The following ZFP92 variants were observed in gnomAD, a reference collection of about 807,000 sequenced individuals.
ZFP92 encodes ZFP92 zinc finger protein, also known as zinc finger protein 92 homolog.
A neutral mutation model predicts 7.6 loss-of-function variants in ZFP92; 2 were observed. That is an observed-to-expected ratio of 0.26 (90% confidence interval 0.11 to 0.83). The LOEUF is 0.83. ZFP92 is among the 40% of genes least tolerant of loss of function. ZFP92 has a pLI of 0.65. For missense variants in ZFP92, 324 were observed against 408.3 expected, an observed-to-expected ratio of 0.79 and a Z score of 1.78; for synonymous variants, 226 against 183.6, an observed-to-expected ratio of 1.23 and a Z score of -1.87.
In ZFP92 at chrX:153,418,734, A is replaced by C; in HGVS notation, c.95A>C (p.Asp32Ala). ...YFTKTEWKLL[D>A]LRQKVLYKRV... ...ACAAAGACAGAATGGAAGCTTCTGGACCTCAGACAAAAGGTCCTCTACAAG... is the reference window on the plus strand; with the variant it reads ...ACAAAGACAGAATGGAAGCTTCTGGCCCTCAGACAAAAGGTCCTCTACAAG... The change falls in exon 4 of 6, where the codon GAC becomes GCC. Residue 32 changes from aspartate (D) to alanine (A), a missense_variant. Coordinates refer to ENST00000338647, the MANE Select transcript of ZFP92 (RefSeq NM_001136273.2). 3.4e-6 allele frequency: 4 copies of C among 1,167,920 alleles called. No individual in the cohort carries two copies. Among genetic ancestry groups the C allele is most frequent in the East Asian group, 3.2e-5 (1 of 30,785 alleles).
intron 2 of ZFP92, among the ~76,000 whole-genome samples, chrX:153,413,875 G>T (rs2088929015): frequency 8.9e-6 from 1 of 112,472 alleles, no homozygotes; most frequent in Admixed American, 9.3e-5. Context: ...CACTGCTCTG[G>T]GTGACGGCTT....
chrX:153,418,083 G>C (rs1045648697), intron 2 of ZFP92, among the ~76,000 whole-genome samples: 2 of 112,268 alleles, frequency 1.8e-5, no homozygotes. Flanking sequence ...AATGTGTCTT[G>C]CTTGAAGGCC....
chrX:153,420,569 T>C, intron 5 of ZFP92, 74 bp from the exon 6 acceptor site: 2 of 1,094,895 alleles, frequency 1.8e-6, no homozygotes, highest in Non-Finnish European at 2.4e-6. Flanking sequence ...CATCCCCCTA[T>C]GTTCTCACCT....
chrX:153,425,393 G>C lies in ZFP92; in HGVS notation c.*3765G>C, dbSNP rs2089035901. ...TTAGAAGGGCAGAGAGGTTTCAGTA[G>C]GACATGTATGGGCTAAAGGGTCAGT... On this transcript the variant is annotated 3_prime_UTR_variant, in exon 6 of 6. Coordinates refer to ENST00000338647, the MANE Select transcript of ZFP92 (RefSeq NM_001136273.2). 2 of 111,759 alleles carry C rather than the reference G, an allele frequency of 1.8e-5. No homozygotes were observed. The highest frequency in any genetic ancestry group is 3.8e-5 in the Non-Finnish European group (2 of 53,167). 9.2% of individuals were successfully genotyped at this position (111,759 alleles called of 1,213,427 possible). A position where few individuals can be genotyped will look rare whatever the true frequency, so the allele number is the denominator to read the frequency against.
Position 153,421,551 on chromosome X carries a change from C to G in ZFP92, c.1174C>G (p.Pro392Ala). ...RRLAGPGSTG[P>A]GSAVAATSPP... is the part of the protein sequence containing the mutation. ...GCTAGCGGGCCCTGGGAGCACCGGC[C>G]CTGGGAGCGCGGTGGCGGCCACCAG... Residue 392 changes from proline to alanine, a missense_variant, in exon 6 of 6, where the codon CCT becomes GCT. Physicochemically the swap from Pro to Ala is conservative, Grantham distance 27 (BLOSUM62 -1). Coordinates refer to ENST00000338647, the MANE Select transcript of ZFP92 (RefSeq NM_001136273.2). 4.6e-6 allele frequency: 5 copies of G among 1,091,482 alleles called. No individual in the cohort carries two copies. The highest frequency in any genetic ancestry group is 1.9e-5 in the African/African-American group (1 of 51,645). The allele number at this position is 1,091,482 out of a possible 1,213,427, so 90.0% of individuals were successfully genotyped here. A position where few individuals can be genotyped will look rare whatever the true frequency, so the allele number is the denominator to read the frequency against.
rs782573503 is a variant in ZFP92 at position 153,424,013 on chromosome X, T to TAGCCAGC, written c.*2386_*2392dup. On this transcript the variant is annotated 3_prime_UTR_variant, in exon 6 of 6. Transcript: ENST00000338647. ...GATTTCGTTCCTACAAGCCAGACAG[T>TAGCCAGC]AGCCAGCTTTCACTAAAGAAGAATC... 8.8e-6 allele frequency: 1 copy of TAGCCAGC among 113,446 alleles called. No homozygotes were observed. Among genetic ancestry groups the TAGCCAGC allele is most frequent in the Admixed American group, 9.2e-5 (1 of 10,814 alleles). 9.3% of individuals were successfully genotyped at this position (113,446 alleles called of 1,213,427 possible).
rs542496394 is a variant in ZFP92, at chrX:153,415,629, C to T, written c.-18-2676C>T. 1.3e-4 allele frequency among the ~76,000 whole-genome samples: 14 copies of T among 111,420 alleles called. 1 individual carries two copies. In the South Asian group the frequency reaches 3.5e-3, roughly 27 times the overall value. Reference sequence around the variant, plus strand: ...GGTATATACCCAGAAGTGGAATTGCCGGGTCATATGATAACTATGTCTAAC... The same window carrying T: ...GGTATATACCCAGAAGTGGAATTGCTGGGTCATATGATAACTATGTCTAAC... On this transcript the variant is annotated intron_variant, in intron 2 of 5. Transcript: ENST00000338647.
At chrX:153,416,898 A>T (rs1278127844) in intron 2 of ZFP92, among the ~76,000 whole-genome samples, 3 of 111,527 alleles carry the variant, frequency 2.7e-5, no homozygotes, top group Non-Finnish European at 5.7e-5. Flanking sequence ...ATGTGCAGAG[A>T]TCACGTGGCC....
chrX:153,418,676 C>A lies in ZFP92; in HGVS notation c.37C>A (p.Pro13Thr). 8.6e-7 allele frequency: 1 copy of A among 1,167,429 alleles called. No homozygotes were observed. The highest frequency in any genetic ancestry group is 1.1e-6 in the Non-Finnish European group (1 of 872,944). The change falls in exon 4 of 6, where the codon CCA (proline) becomes ACA (threonine). Residue 13 changes from proline (P) to threonine (T), a missense_variant. Pro to Thr is a conservative substitution (Grantham distance 38). Transcript: ENST00000338647. ...AILLTTRPKVPVSFEDVSVYF... is the reference protein window; with the variant it reads ...AILLTTRPKVTVSFEDVSVYF... ...CCACAAGAATGCCTTATTTTAGGTG[C>A]CAGTATCTTTTGAGGATGTGTCCGT...
At chrX:153,416,582 C>T (rs1485212958) in intron 2 of ZFP92, among the ~76,000 whole-genome samples, 2 of 111,468 alleles carry the variant, frequency 1.8e-5, no homozygotes, top group Non-Finnish European at 3.8e-5. Context: ...TGTAGTCACC[C>T]ATTGGAACAT....
rs1372739229 is a variant in ZFP92, at chrX:153,426,026, TG to T, written c.*4401del. Reference sequence around the variant, plus strand: ...CTTTGACAGCATTATGAAGGTATAATGGGCATACAAGAAACTGCACGTCTTT... The same window carrying T: ...CTTTGACAGCATTATGAAGGTATAATGGCATACAAGAAACTGCACGTCTTT... On this transcript the variant is annotated 3_prime_UTR_variant, in exon 6 of 6. Transcript: ENST00000338647. 3 of 111,527 alleles carry T rather than the reference TG, an allele frequency of 2.7e-5. No homozygotes were observed. The highest frequency in any genetic ancestry group is 9.8e-5 in the African/African-American group (3 of 30,631). 9.2% of individuals were successfully genotyped at this position (111,527 alleles called of 1,213,427 possible). A position where few individuals can be genotyped will look rare whatever the true frequency, so the allele number is the denominator to read the frequency against.
chrX:153,413,393 G>T (rs909240769), intron 2 of ZFP92, among the ~76,000 whole-genome samples: 3 of 106,391 alleles, frequency 2.8e-5, no homozygotes, highest in Non-Finnish European at 5.8e-5. Flanking sequence ...CCCTCCCCGC[G>T]TGGAGCACCC....
chrX:153,416,025 A>G (rs968167605), intron 2 of ZFP92, among the ~76,000 whole-genome samples: 1 of 111,065 alleles, frequency 9.0e-6, no homozygotes, highest in Non-Finnish European at 1.9e-5. Flanking sequence ...TTCATCTAGA[A>G]CAGCCTCTCT....
Position 153,412,313 on chromosome X carries a change from G to A in ZFP92, c.-19+300G>A, listed in dbSNP as rs189408848. Among the ~76,000 whole-genome samples the A allele has an allele frequency of 2.2e-3, 249 of 112,266 alleles. 1 individual carries two copies. Among genetic ancestry groups the A allele is most frequent in the African/African-American group, 7.6e-3 (236 of 30,900 alleles). On this transcript the variant is annotated intron_variant, in intron 2 of 5. Transcript: ENST00000338647. ...GAGCCAGCTGAGCTGGGCAGAAAGC[G>A]GCACCCAGCGCTTCCCTACAGGGCT... is the stretch of plus-strand genomic sequence containing the variant.
rs1556974901 is a variant in ZFP92 at position 153,421,002 on chromosome X, G to A, written c.625G>A (p.Ala209Thr). The part of the protein sequence containing the change: ...QRIHSGEKPY[A>T]CPECSKTFTR... ...CATCCACAGCGGCGAGAAGCCCTAC[G>A]CCTGCCCCGAGTGCAGCAAGACCTT... The change falls in exon 6 of 6, where the codon GCC (alanine) becomes ACC (threonine). Residue 209 changes from alanine (A) to threonine (T), a missense_variant. Coordinates refer to ENST00000338647, the MANE Select transcript of ZFP92 (RefSeq NM_001136273.2). The A allele has an allele frequency of 8.3e-7, 1 of 1,200,587 alleles. No homozygotes were observed. Among genetic ancestry groups the A allele is most frequent in the Non-Finnish European group, 1.1e-6 (1 of 889,871 alleles).
At chrX:153,419,731 C>T (rs2088982860) in intron 4 of ZFP92, among the ~76,000 whole-genome samples, 1 of 112,591 alleles carries the variant, frequency 8.9e-6, no homozygotes, top group Non-Finnish European at 1.9e-5. Context: ...TAATCTAGCC[C>T]CATAGAGGGA....
chrX:153,416,602 C>G (rs190207908), intron 2 of ZFP92, among the ~76,000 whole-genome samples: 18 of 111,713 alleles, frequency 1.6e-4, no homozygotes, highest in Non-Finnish European at 3.0e-4. Context: ...TCAATAAAAG[C>G]TTGGAGACCA....
intron 3 of ZFP92, 87 bp from the exon 4 acceptor site, chrX:153,418,586 C>A (rs1259281726): frequency 1.8e-6 from 2 of 1,124,554 alleles, no homozygotes; most frequent in East Asian, 6.6e-5. Context: ...CAGGGCTCCC[C>A]CCGCCCCCCA....
In ZFP92 at chrX:153,420,992, G is replaced by A. The variant is rs1556974891; in HGVS notation, c.615G>A (p.Glu205=). 2 of 1,200,937 alleles carry A rather than the reference G, an allele frequency of 1.7e-6. No individual in the cohort carries two copies. The highest frequency in any genetic ancestry group is 3.6e-5 in the South Asian group (2 of 55,648). Residue 205 remains glutamate (E), a synonymous_variant, in exon 6 of 6, where the codon GAG becomes GAA. Transcript: ENST00000338647. ...LLEHQRIHSG[E]KPYACPECSK... ...AGCACCAGCGCATCCACAGCGGCGA[G>A]AAGCCCTACGCCTGCCCCGAGTGCA...
Sources: allele counts gnomAD v4.1 joint callset (sites outside exome capture counted in the v4.1 genomes callset), GRCh38; gene constraint gnomAD v4.1.1; transcripts MANE v1.5; gene names NCBI Gene and HGNC (gene_info 2026-07-23, HGNC 2026-07-21).